The following PPEF1 variants were observed in gnomAD, a reference collection of about 807,000 sequenced individuals.
The protein encoded by PPEF1 is protein phosphatase with EF-hand domain 1.
In PPEF1, 12 loss-of-function variants were observed where a neutral mutation model predicts 53.3. The observed-to-expected ratio is 0.23, with a 90% CI of 0.14 to 0.36. PPEF1 has a LOEUF of 0.36. Ranked by LOEUF, PPEF1 falls within the 10% of genes least tolerant of loss-of-function variation. The pLI is 1.00. For missense variants in PPEF1, 334 were observed against 490.4 expected (o/e 0.68, Z 3.01); for synonymous variants, 165 against 176.7 (o/e 0.93, Z 0.52).
intron 1 of PPEF1, 59 bp from the exon 2 acceptor site, chrX:18,730,122 C>T (rs887601602): frequency 1.7e-5 from 19 of 1,121,413 alleles, no homozygotes; most frequent in Middle Eastern, 5.2e-4. Context: ...GCACCTACTT[C>T]TCCTAACAGG....
rs191011651 is a variant in PPEF1, at chrX:18,784,135, G to A, written c.912+87G>A. On this transcript the variant is annotated intron_variant, in intron 9 of 15. Coordinates refer to ENST00000470157, the MANE Select transcript of PPEF1 (RefSeq NM_001377996.1). ...CATTTATTATTTTGAATTGATTTGT[G>A]TTTTAGTGGTTGTAACTCTAAAAAG... 6 of 843,808 alleles carry A rather than the reference G, an allele frequency of 7.1e-6. No homozygotes were observed. In the East Asian group the frequency reaches 2.1e-4, roughly 29 times the overall value. The allele number at this position is 843,808 out of a possible 1,213,427, so 69.5% of individuals were successfully genotyped here. A position where few individuals can be genotyped will look rare whatever the true frequency, so the allele number is the denominator to read the frequency against.
intron 12 of PPEF1, among the ~76,000 whole-genome samples, chrX:18,810,010 G>A (rs11798228): frequency 0.45 from 48,570 of 108,103 alleles, 8,394 homozygotes; most frequent in Non-Finnish European, 0.55. Context: ...CCTTAAATAT[G>A]TACAATTTTA....
rs979000625 is a variant in PPEF1 at position 18,825,779 on chromosome X, A to T, written c.1694A>T (p.Tyr565Phe). 21 of 1,201,486 alleles carry T rather than the reference A, an allele frequency of 1.7e-5. No individual in the cohort carries two copies. Among genetic ancestry groups the T allele is most frequent in the Non-Finnish European group, 2.4e-5 (21 of 890,385 alleles). ...CATTCTACTCTAGTTGAAACTCTGTACAGATACAGATCTGACCTGGAAATC... is the reference window on the plus strand; with the variant it reads ...CATTCTACTCTAGTTGAAACTCTGTTCAGATACAGATCTGACCTGGAAATC... The part of the protein sequence containing the change: ...EAHSTLVETL[Y>F]RYRSDLEIIF... The change falls in exon 15 of 16, where the codon TAC becomes TTC. Residue 565 changes from tyrosine to phenylalanine, a missense_variant. Tyr to Phe is a conservative substitution (Grantham distance 22). Transcript: ENST00000470157.
At chrX:18,735,205 G>A (rs2044945873) in intron 3 of PPEF1, among the ~76,000 whole-genome samples, 1 of 111,545 alleles carries the variant, frequency 9.0e-6, no homozygotes, top group African/African-American at 3.3e-5. Flanking sequence ...CCTTGCCCAT[G>A]CCTGTGTCCT....
chrX:18,757,696 T>G lies in PPEF1; in HGVS notation c.466T>G (p.Phe156Val). Residue 156 changes from phenylalanine (F) to valine (V), a missense_variant, in exon 5 of 16, where the codon TTC (phenylalanine) becomes GTC (valine). By Grantham distance (50) the Phe-to-Val change is conservative (BLOSUM62 -1). Transcript: ENST00000470157. Reference protein sequence around the residue: ...TKKVLKQMPNFTHIQTSPSKE... With the variant: ...TKKVLKQMPNVTHIQTSPSKE... ...GAAAGTCCTGAAGCAAATGCCGAAT[T>G]TCACTCACATACAAACTTCTCCCTC... 8.3e-7 allele frequency: 1 copy of G among 1,211,009 alleles called. No individual in the cohort carries two copies. The highest frequency in any genetic ancestry group is 1.1e-6 in the Non-Finnish European group (1 of 894,885).
At chrX:18,794,878 G>A (rs1261347305) in intron 10 of PPEF1, among the ~76,000 whole-genome samples, 5 of 112,619 alleles carry the variant, frequency 4.4e-5, no homozygotes, top group Non-Finnish European at 9.4e-5. Context: ...AGTGAAGGGG[G>A]TTAGAGTAGA....
chrX:18,730,209 C>T lies in PPEF1; in HGVS notation c.75C>T (p.Asn25=), dbSNP rs1300083989. The change falls in exon 2 of 16, where the codon AAC becomes AAT. Residue 25 remains asparagine (N), a synonymous_variant. Coordinates refer to ENST00000470157, the MANE Select transcript of PPEF1 (RefSeq NM_001377996.1). ...TGAGAGCTGCGTTGATCATCCAGAA[C>T]TGGTACCGAGGTTACAAAGCTCGAC... ...TSLRAALIIQ[N]WYRGYKARLK... 8.3e-7 allele frequency: 1 copy of T among 1,208,497 alleles called. No homozygotes were observed. The highest frequency in any genetic ancestry group is 1.1e-6 in the Non-Finnish European group (1 of 894,361).
chrX:18,708,159 T>A (rs1029856385), intron 1 of PPEF1, among the ~76,000 whole-genome samples: 4 of 112,693 alleles, frequency 3.5e-5, no homozygotes, highest in Admixed American at 2.8e-4. Flanking sequence ...TATAAATAGC[T>A]ATATCCCTAC....
intron 3 of PPEF1, among the ~76,000 whole-genome samples, chrX:18,734,759 T>C (rs893336845): frequency 5.4e-5 from 6 of 111,638 alleles, no homozygotes; most frequent in African/African-American, 2.0e-4. Context: ...TGTAAAACTG[T>C]TCCTATTTCT....
intron 3 of PPEF1, among the ~76,000 whole-genome samples, chrX:18,736,089 C>T (rs914840577): frequency 6.3e-5 from 7 of 111,343 alleles, no homozygotes; most frequent in Non-Finnish European, 9.4e-5. Context: ...GACAATTTGA[C>T]TTCCTCTTTT....
chrX:18,743,435 T>C (rs1026142591), intron 3 of PPEF1, among the ~76,000 whole-genome samples: 1 of 101,950 alleles, frequency 9.8e-6, no homozygotes, highest in South Asian at 4.2e-4. Flanking sequence ...TCTTTTCTTT[T>C]TTCTCTTTTT....
At chrX:18,807,374 A>G (rs1201608305) in intron 12 of PPEF1, among the ~76,000 whole-genome samples, 1 of 111,923 alleles carries the variant, frequency 8.9e-6, no homozygotes, top group Non-Finnish European at 1.9e-5. Context: ...GTTGTTAACA[A>G]CTGAAAAAAA....
At chrX:18,784,284 GA>G (rs751608088) in intron 9 of PPEF1, among the ~76,000 whole-genome samples, 1 of 111,231 alleles carries the variant, frequency 9.0e-6, no homozygotes, top group African/African-American at 3.3e-5. Flanking sequence ...GTTGAGGGTG[GA>G]AAAATGAGGA....
At chrX:18,817,610 G>A (rs771419620) in intron 12 of PPEF1, among the ~76,000 whole-genome samples, 2 of 111,329 alleles carry the variant, frequency 1.8e-5, no homozygotes, top group South Asian at 7.5e-4. Context: ...AAAGTGTTGG[G>A]ATTACAGGTG....
intron 1 of PPEF1, among the ~76,000 whole-genome samples, chrX:18,709,952 A>G (rs2044289573): frequency 8.9e-6 from 1 of 112,129 alleles, no homozygotes; most frequent in Admixed American, 9.5e-5. Context: ...AAGTGACTGC[A>G]CCATTCTACA....
intron 4 of PPEF1, among the ~76,000 whole-genome samples, chrX:18,694,295 A>C (rs1211774462): frequency 9.0e-6 from 1 of 111,716 alleles, no homozygotes; most frequent in Non-Finnish European, 1.9e-5. Flanking sequence ...TAGGATAGCT[A>C]CCCAGGAGTA....
intron 10 of PPEF1, among the ~76,000 whole-genome samples, chrX:18,802,396 T>C (rs2046565741): frequency 9.0e-6 from 1 of 111,586 alleles, no homozygotes; most frequent in Non-Finnish European, 1.9e-5. Flanking sequence ...AAAATTTGGA[T>C]CTTTAGTCCT....
intron 5 of PPEF1, among the ~76,000 whole-genome samples, chrX:18,759,344 C>T (rs921417397): frequency 9.0e-6 from 1 of 111,117 alleles, no homozygotes; most frequent in Non-Finnish European, 1.9e-5. Context: ...AACCATCTTC[C>T]GTTTAAGACG....
chrX:18,797,186 A>AT lies in PPEF1; in HGVS notation c.1066-6705dup, dbSNP rs767726563. Among the ~76,000 whole-genome samples, 23 of 112,281 alleles carry AT rather than the reference A, an allele frequency of 2.0e-4. No individual in the cohort carries two copies. The Admixed American group carries it at 2.2e-3, about 11-fold the overall frequency. ...TGGTACATAGTGGATAAACACACAC[A>AT]TAAGTTATGCTAGAGCCGAAATTTC... On this transcript the variant is annotated intron_variant, in intron 10 of 15. Coordinates refer to ENST00000470157, the MANE Select transcript of PPEF1 (RefSeq NM_001377996.1).
Sources: gnomAD v4.1 joint callset for allele counts (sites outside exome capture counted in the v4.1 genomes callset) on GRCh38, gnomAD v4.1.1 for gene constraint, MANE v1.5 for transcripts, NCBI Gene and HGNC (gene_info 2026-07-23, HGNC 2026-07-21) for gene names.